The following RORB variants were observed in gnomAD, a reference collection of about 807,000 sequenced individuals.
RORB encodes the protein nuclear receptor ROR-beta.
RORB carries 6 observed loss-of-function variants against 59.1 expected under a neutral mutation model. The ratio of observed to expected loss-of-function variants is 0.10; its 90% CI spans 0.06 to 0.20. The LOEUF is 0.20. RORB is among the 10% of genes least tolerant of loss of function. The pLI, the probability that RORB is intolerant of heterozygous loss-of-function variation, is 1.00. For missense variants in RORB, 320 were observed against 560.5 expected, an observed-to-expected ratio of 0.57 and a Z score of 4.33; for synonymous variants, 215 against 204.5, an observed-to-expected ratio of 1.05 and a Z score of -0.44.
At chr9:74,498,004 C>G in intron 1 of RORB, 21 bp downstream of exon 1, 12 of 1,607,250 alleles carry the variant, frequency 7.5e-6, no homozygotes, top group Non-Finnish European at 1.0e-5. Flanking sequence ...CTGCGGGCAC[C>G]GAGGCTCCCC....
intron 1 of RORB, among the ~76,000 whole-genome samples, chr9:74,624,111 TG>T (rs1180757805): frequency 8.5e-5 from 13 of 152,174 alleles, no homozygotes; most frequent in African/African-American, 3.1e-4. Context: ...CCTTTGAAAA[TG>T]ATCTTCTTTT....
At chr9:74,635,234 C>T (rs1823681850) in intron 3 of RORB, among the ~76,000 whole-genome samples, 1 of 152,126 alleles carries the variant, frequency 6.6e-6, no homozygotes, top group African/African-American at 2.4e-5. Flanking sequence ...GCCTGGAAGT[C>T]CTGCTGGCTG....
At chr9:74,591,221 C>A (rs1421949106) in intron 1 of RORB, among the ~76,000 whole-genome samples, 1 of 152,176 alleles carries the variant, frequency 6.6e-6, no homozygotes, top group African/African-American at 2.4e-5. Flanking sequence ...TAAAAAGGAC[C>A]TTAGTGTAGA....
At chr9:74,593,591 C>T (rs956517753) in intron 1 of RORB, among the ~76,000 whole-genome samples, 5 of 152,050 alleles carry the variant, frequency 3.3e-5, no homozygotes, top group African/African-American at 1.2e-4. Flanking sequence ...TATGCTGAGT[C>T]TATTTTTATT....
At chr9:74,656,075 T>G (rs1418574403) in intron 4 of RORB, among the ~76,000 whole-genome samples, 1 of 152,212 alleles carries the variant, frequency 6.6e-6, no homozygotes, top group Non-Finnish European at 1.5e-5. Context: ...CCATTCTGAG[T>G]GCTTAGGCTT....
intron 1 of RORB, among the ~76,000 whole-genome samples, chr9:74,624,747 G>A (rs1823482929): frequency 6.6e-6 from 1 of 152,178 alleles, no homozygotes; most frequent in African/African-American, 2.4e-5. Flanking sequence ...GCAGATGGTA[G>A]ATGAGATACA....
rs570267634 is a variant in RORB at position 74,582,061 on chromosome 9, T to C, written c.8-48221T>C. Among the ~76,000 whole-genome samples, 5 of 152,324 alleles carry C rather than the reference T, an allele frequency of 3.3e-5. No individual in the cohort carries two copies. In the South Asian group the frequency reaches 1.0e-3, roughly 32 times the overall value. On this transcript the variant is annotated intron_variant, in intron 1 of 9. Transcript: ENST00000376896. ...GTGACAGTATAAATATTCTATCATCTATTCAGTGTCTATTTATATCTCTTC... is the reference window on the plus strand; with the variant it reads ...GTGACAGTATAAATATTCTATCATCCATTCAGTGTCTATTTATATCTCTTC...
At chr9:74,585,886 C>G (rs1245109422) in intron 1 of RORB, among the ~76,000 whole-genome samples, 3 of 151,890 alleles carry the variant, frequency 2.0e-5, no homozygotes, top group Admixed American at 6.6e-5. Context: ...GCTCCGCCTC[C>G]CGGGTTCACG....
At position 74,603,756 on chromosome 9, in the gene RORB, A is replaced by G. The variant is rs757022598; in HGVS notation, c.8-26526A>G. On this transcript the variant is annotated intron_variant, in intron 1 of 9. Transcript: ENST00000376896. ...GATAGTTTATAGATGGCTCTAATACATCACTCTACCAAGGGTTCAGGCTGA... is the reference window on the plus strand; with the variant it reads ...GATAGTTTATAGATGGCTCTAATACGTCACTCTACCAAGGGTTCAGGCTGA... Among the ~76,000 whole-genome samples the G allele has an allele frequency of 2.0e-5, 3 of 152,356 alleles. No individual in the cohort carries two copies. In the East Asian group the frequency reaches 5.8e-4, roughly 29 times the overall value.
At chr9:74,637,960 G>A (rs543946749) in intron 3 of RORB, among the ~76,000 whole-genome samples, 2 of 152,234 alleles carry the variant, frequency 1.3e-5, no homozygotes, top group South Asian at 4.1e-4. Context: ...GAGAAAAAGA[G>A]GAAGGAGAAG....
At chr9:74,515,677 T>G (rs1825999073) in intron 1 of RORB, among the ~76,000 whole-genome samples, 1 of 152,070 alleles carries the variant, frequency 6.6e-6, no homozygotes, top group Admixed American at 6.6e-5. Flanking sequence ...ATGCTGTCAC[T>G]TTTCTTGCAA....
At chr9:74,623,296 A>G (rs1247991934) in intron 1 of RORB, among the ~76,000 whole-genome samples, 1 of 152,176 alleles carries the variant, frequency 6.6e-6, no homozygotes, top group African/African-American at 2.4e-5. Context: ...GAATGCGGAG[A>G]AAATGTGGGT....
intron 1 of RORB, among the ~76,000 whole-genome samples, chr9:74,561,337 C>T (rs1822394338): frequency 6.6e-6 from 1 of 152,058 alleles, no homozygotes; most frequent in Non-Finnish European, 1.5e-5. Context: ...AATACATTCC[C>T]CTGAAAGGTA....
intron 1 of RORB, among the ~76,000 whole-genome samples, chr9:74,520,248 AAT>A (rs971746509): frequency 4.6e-5 from 7 of 151,940 alleles, no homozygotes; most frequent in African/African-American, 1.7e-4. Flanking sequence ...ACAAAATCTA[AAT>A]AGTCATTCGC....
chr9:74,624,354 C>A (rs1823472529), intron 1 of RORB, among the ~76,000 whole-genome samples: 1 of 152,088 alleles, frequency 6.6e-6, no homozygotes, highest in Non-Finnish European at 1.5e-5. Flanking sequence ...ATTTCATGCA[C>A]CATATTGTAT....
intron 1 of RORB, among the ~76,000 whole-genome samples, chr9:74,608,057 T>C (rs899043408): frequency 6.6e-6 from 1 of 152,174 alleles, no homozygotes; most frequent in African/African-American, 2.4e-5. Context: ...CACAATGAGC[T>C]TATGGGCTGA....
chr9:74,646,611 T>A (rs533988685), intron 4 of RORB, among the ~76,000 whole-genome samples: 5 of 152,098 alleles, frequency 3.3e-5, no homozygotes, highest in South Asian at 2.1e-4. Flanking sequence ...AACCATTTCA[T>A]TGTACAGATA....
intron 1 of RORB, among the ~76,000 whole-genome samples, chr9:74,610,808 A>G (rs191386247): frequency 1.0e-3 from 156 of 152,340 alleles, no homozygotes; most frequent in Non-Finnish European, 5.0e-4. Flanking sequence ...CCAGAAAGCT[A>G]GTGAACACAT....
chr9:74,649,361 C>A (rs920336693), intron 4 of RORB, among the ~76,000 whole-genome samples: 1 of 152,140 alleles, frequency 6.6e-6, no homozygotes, highest in Admixed American at 6.5e-5. Context: ...CTGTGCCAAC[C>A]ACAGAATATC....
Sources: gnomAD v4.1 joint callset for allele counts (sites outside exome capture counted in the v4.1 genomes callset) on GRCh38, gnomAD v4.1.1 for gene constraint, MANE v1.5 for transcripts, NCBI Gene and HGNC (gene_info 2026-07-23, HGNC 2026-07-21) for gene names.